Variants in ARHGAP8 observed in about 807,000 individuals in gnomAD.
ARHGAP8 encodes the protein Rho GTPase activating protein 8.
Under a neutral mutation model 46.1 loss-of-function variants are expected in ARHGAP8, and 62 were observed. The ratio of observed to expected loss-of-function variants is 1.34; its 90% CI spans 1.10 to 1.66. The LOEUF (loss-of-function observed/expected upper bound fraction) is 1.66, where lower values mean the gene tolerates loss of function less well. Ranked by LOEUF, ARHGAP8 falls within the 40% of genes most tolerant of loss-of-function variation. The probability of loss-of-function intolerance (pLI) is 0.00; values close to 1 mark genes in which losing one functional copy is unlikely to be tolerated. For synonymous variants in ARHGAP8, 375 were observed against 243.1 expected (o/e 1.54, Z -5.05); for missense variants, 923 against 568.4 (o/e 1.62, Z -6.34).
chr22:44,859,640 C>G (rs181560166), intron 10 of ARHGAP8, 91 bp from the exon 11 acceptor site: 20 of 1,402,442 alleles, frequency 1.4e-5, no homozygotes, highest in African/African-American at 1.3e-4. Flanking sequence ...TCAGAGCTGT[C>G]CTTCCTACAC....
At chr22:44,758,930 C>A (rs561707936) in intron 1 of ARHGAP8, among the ~76,000 whole-genome samples, 1 of 152,158 alleles carries the variant, frequency 6.6e-6, no homozygotes, top group African/African-American at 2.4e-5. Flanking sequence ...GTGGAGGACA[C>A]GGATTTACCA....
At chr22:44,839,988 G>A (rs1039533552) in intron 7 of ARHGAP8, among the ~76,000 whole-genome samples, 3 of 152,186 alleles carry the variant, frequency 2.0e-5, no homozygotes, top group Non-Finnish European at 4.4e-5. Context: ...TGGCCTCAGT[G>A]GGGACTGTTG....
At position 44,842,366 on chromosome 22, in the gene ARHGAP8, A is replaced by T. The variant is rs568888817; in HGVS notation, c.597-2903A>T. Among the ~76,000 whole-genome samples, 7 of 152,138 alleles carry T rather than the reference A, an allele frequency of 4.6e-5. No individual in the cohort carries two copies. The South Asian group carries it at 1.2e-3, about 27-fold the overall frequency. On this transcript the variant is annotated intron_variant, in intron 7 of 11. Transcript: ENST00000356099. The stretch of plus-strand genomic sequence containing the variant: ...AGCGAGACTCCATCTCAAAACAAAC[A>T]AACAAACAAACAAAAACAGCACAGG...
chr22:44,790,733 T>TA (rs140580795), intron 2 of ARHGAP8, among the ~76,000 whole-genome samples: 8 of 123,774 alleles, frequency 6.5e-5, no homozygotes, highest in Non-Finnish European at 1.3e-4. Flanking sequence ...AACCTGGCCG[T>TA]TTTTTTTTTT....
chr22:44,861,797 G>A (rs867065847), intron 11 of ARHGAP8, among the ~76,000 whole-genome samples: 10 of 152,306 alleles, frequency 6.6e-5, no homozygotes, highest in Middle Eastern at 3.4e-3. Context: ...GGGGTTGCAC[G>A]TGTTGGCGGA....
At chr22:44,835,420 C>T (rs1414202076) in intron 7 of ARHGAP8, among the ~76,000 whole-genome samples, 1 of 151,976 alleles carries the variant, frequency 6.6e-6, no homozygotes, top group African/African-American at 2.4e-5. Flanking sequence ...GACACTGAGA[C>T]CATCCTGGCC....
chr22:44,840,288 G>A (rs1931565336), intron 7 of ARHGAP8, among the ~76,000 whole-genome samples: 2 of 152,180 alleles, frequency 1.3e-5, no homozygotes. Context: ...CTGAAATCAG[G>A]ATCTCGGCAG....
At chr22:44,760,233 G>A (rs1327401929) in intron 1 of ARHGAP8, among the ~76,000 whole-genome samples, 2 of 152,282 alleles carry the variant, frequency 1.3e-5, no homozygotes, top group East Asian at 3.9e-4. Context: ...GTGAGGGTCT[G>A]TATTAACGAA....
chr22:44,827,746 G>A (rs560262413), intron 7 of ARHGAP8, among the ~76,000 whole-genome samples: 4 of 152,244 alleles, frequency 2.6e-5, no homozygotes, highest in Admixed American at 6.5e-5. Context: ...ATAGGGGGAG[G>A]GAAGTGTGTC....
intron 10 of ARHGAP8, among the ~76,000 whole-genome samples, chr22:44,852,657 C>G (rs550128747): frequency 1.3e-5 from 2 of 152,246 alleles, no homozygotes; most frequent in African/African-American, 4.8e-5. Flanking sequence ...AGAGTTGTGT[C>G]TCAATTCAGG....
intron 1 of ARHGAP8, among the ~76,000 whole-genome samples, chr22:44,767,934 C>G (rs1925701327): frequency 6.9e-6 from 1 of 144,800 alleles, no homozygotes; most frequent in African/African-American, 2.5e-5. Flanking sequence ...GGCCAATTGT[C>G]CTGTAGAATG....
intron 7 of ARHGAP8, among the ~76,000 whole-genome samples, chr22:44,833,389 G>C (rs901845345): frequency 7.9e-5 from 12 of 151,884 alleles, no homozygotes; most frequent in African/African-American, 2.9e-4. Context: ...AAAGGTGTTA[G>C]GTTTTGTGAA....
intron 7 of ARHGAP8, among the ~76,000 whole-genome samples, chr22:44,832,593 A>G (rs961639059): frequency 6.6e-6 from 1 of 152,190 alleles, no homozygotes; most frequent in African/African-American, 2.4e-5. Flanking sequence ...TTTTTTAAAT[A>G]TGTTGATCTT....
At position 44,775,350 on chromosome 22, in the gene ARHGAP8, C is replaced by T. The variant is rs544137384; in HGVS notation, c.-71-11107C>T. On this transcript the variant is annotated intron_variant, in intron 1 of 11. Transcript: ENST00000356099. ...GTGGACTTGGCTGCTTCTCCCCTCACGGCCTCCTGGGTGGTAGCTTGGCCA... is the reference window on the plus strand; with the variant it reads ...GTGGACTTGGCTGCTTCTCCCCTCATGGCCTCCTGGGTGGTAGCTTGGCCA... Among the ~76,000 whole-genome samples, 13 of 152,336 alleles carry T rather than the reference C, an allele frequency of 8.5e-5. 1 individual carries two copies. Among genetic ancestry groups the T allele is most frequent in the East Asian group, 5.8e-4 (3 of 5,176 alleles).
chr22:44,859,726 T>G lies in ARHGAP8; in HGVS notation c.878-5T>G, dbSNP rs532533677. ...AGCTCAGCAGGGAGCCCCATGCCCT[T>G]CCAGGTGTGGAGAGCAGCCTGCGTG... On this transcript the variant is annotated splice_polypyrimidine_tract_variant and splice_region_variant and intron_variant, in intron 10 of 11. Transcript: ENST00000356099. 2.5e-5 allele frequency: 41 copies of G among 1,613,280 alleles called. No individual in the cohort carries two copies. The African/African-American group carries it at 4.3e-4, about 17-fold the overall frequency.
At chr22:44,764,941 T>C (rs1449100533) in intron 1 of ARHGAP8, among the ~76,000 whole-genome samples, 1 of 152,220 alleles carries the variant, frequency 6.6e-6, no homozygotes, top group Non-Finnish European at 1.5e-5. Flanking sequence ...GCCCGGATTA[T>C]GTGGTGCTCA....
intron 6 of ARHGAP8, 42 bp downstream of exon 6, chr22:44,822,511 T>C (rs752526434): frequency 6.8e-7 from 1 of 1,479,300 alleles, no homozygotes; most frequent in Non-Finnish European, 9.0e-7. Context: ...CAATACATCT[T>C]CGTGCTTCCA....
At chr22:44,771,298 G>A (rs1181979694) in intron 1 of ARHGAP8, among the ~76,000 whole-genome samples, 1 of 146,146 alleles carries the variant, frequency 6.8e-6, no homozygotes, top group African/African-American at 2.6e-5. Context: ...CCAGGCTGGA[G>A]TGCAATGCCA....
chr22:44,763,511 AAG>A, intron 1 of ARHGAP8, among the ~76,000 whole-genome samples: 1 of 151,326 alleles, frequency 6.6e-6, no homozygotes, highest in African/African-American at 2.4e-5. Context: ...AAAAAAAAAA[AAG>A]ATACTTTTCA....
Sources: allele counts gnomAD v4.1 joint callset (sites outside exome capture counted in the v4.1 genomes callset), GRCh38; gene constraint gnomAD v4.1.1; transcripts MANE v1.5; gene names NCBI Gene and HGNC (gene_info 2026-07-23, HGNC 2026-07-21).